The following TARS1 variants were observed in gnomAD, a reference collection of about 807,000 sequenced individuals.
TARS1 encodes the protein threonyl-tRNA synthetase 1.
A neutral mutation model predicts 97.7 loss-of-function variants in TARS1; 57 were observed. That is an observed-to-expected ratio of 0.58 (90% CI 0.47 to 0.73). TARS1 has a LOEUF of 0.73. Ranked by LOEUF, TARS1 falls within the 30% of genes least tolerant of loss-of-function variation. TARS1 has a pLI of 0.00. For missense variants in TARS1, 806 were observed against 888.3 expected, an observed-to-expected ratio of 0.91 and a Z score of 1.18; for synonymous variants, 312 against 293.7, an observed-to-expected ratio of 1.06 and a Z score of -0.64.
chr5:33,446,021 A>G (rs1277848709), intron 2 of TARS1: 1 of 153,284 alleles, frequency 6.5e-6, no homozygotes, highest in East Asian at 1.9e-4. Context: ...TTGCCTTTCT[A>G]CTTTATTTTT....
chr5:33,443,573 A>G lies in TARS1; in HGVS notation c.58-1751A>G, dbSNP rs563255894. 2.3e-4 allele frequency among the ~76,000 whole-genome samples: 34 copies of G among 150,814 alleles called. No homozygotes were observed. In the East Asian group the frequency reaches 5.3e-3, roughly 23 times the overall value. ...AGTGGCGCGATCTCTGCTCACTGCAAGCTCCGCCTCCCGGGTTCCAGCCAT... is the reference window on the plus strand; with the variant it reads ...AGTGGCGCGATCTCTGCTCACTGCAGGCTCCGCCTCCCGGGTTCCAGCCAT... On this transcript the variant is annotated intron_variant, in intron 1 of 18. Transcript: ENST00000265112.
chr5:33,457,360 TC>T lies in TARS1; in HGVS notation c.943del (p.Gln315LysfsTer58). On this transcript the variant is annotated frameshift_variant, in exon 9 of 19. Coordinates refer to ENST00000265112, the MANE Select transcript of TARS1 (RefSeq NM_152295.5). LOFTEE classifies it high-confidence loss of function. ...DPKMLKEWEK[F>X]QEEAKNRDHR... is the part of the protein sequence containing the mutation. Reference sequence around the variant, plus strand: ...AAAATGTTGAAAGAGTGGGAGAAGTTCCAAGAGGAAGCTAAAAACCGAGATC... The same window carrying T: ...AAAATGTTGAAAGAGTGGGAGAAGTTCAAGAGGAAGCTAAAAACCGAGATC... The T allele has an allele frequency of 6.2e-7, 1 of 1,614,082 alleles. No homozygotes were observed. Among genetic ancestry groups the T allele is most frequent in the Non-Finnish European group, 8.5e-7 (1 of 1,179,994 alleles).
Position 33,467,628 on chromosome 5 carries a change from G to T in TARS1, c.2092G>T (p.Glu698Ter). Residue 698 changes from glutamate to a stop codon, truncating the protein, a stop_gained, in exon 19 of 19, where the codon GAA (glutamate) becomes TAA (stop). Coordinates refer to ENST00000265112, the MANE Select transcript of TARS1 (RefSeq NM_152295.5). LOFTEE classifies it low-confidence loss of function (END_TRUNC). ...IRTRDNKVHG[E>*]RTISETIERL... ...CACAAGAGACAATAAGGTCCACGGG[G>T]AACGCACCATTTCTGAAACTATCGA... The T allele has an allele frequency of 6.2e-7, 1 of 1,613,990 alleles. No individual in the cohort carries two copies. Among genetic ancestry groups the T allele is most frequent in the South Asian group, 1.1e-5 (1 of 91,068 alleles).
intron 1 of TARS1, among the ~76,000 whole-genome samples, chr5:33,442,877 G>T (rs920825548): frequency 1.3e-5 from 2 of 152,156 alleles, no homozygotes; most frequent in Non-Finnish European, 2.9e-5. Flanking sequence ...GAAAGCAGGC[G>T]TAGGAACAGT....
rs1310133770 is a variant in TARS1, at chr5:33,457,257, A to G, written c.838A>G (p.Asn280Asp). 5 of 1,610,004 alleles carry G rather than the reference A, an allele frequency of 3.1e-6. No homozygotes were observed. Among genetic ancestry groups the G allele is most frequent in the Non-Finnish European group, 4.2e-6 (5 of 1,178,580 alleles). ...TTTCATGGTTAATCCTTGTTTTCAG[A>G]ATTCCTCCACGTACTGGGAAGGCAA... is the stretch of plus-strand genomic sequence containing the variant. ...GKIKALKIHKNSSTYWEGKAD... is the reference protein window; with the variant it reads ...GKIKALKIHKDSSTYWEGKAD... Residue 280 changes from asparagine to aspartate, a missense_variant and splice_region_variant, in exon 9 of 19, where the codon AAT (asparagine) becomes GAT (aspartate). By Grantham distance (23) the Asn-to-Asp change is conservative (BLOSUM62 1). Coordinates refer to ENST00000265112, the MANE Select transcript of TARS1 (RefSeq NM_152295.5).
In TARS1 at chr5:33,466,389, AT is replaced by A. The variant is rs200490085; in HGVS notation, c.1909-480del. On this transcript the variant is annotated intron_variant, in intron 17 of 18. Coordinates refer to ENST00000265112, the MANE Select transcript of TARS1 (RefSeq NM_152295.5). ...AGGGACTAATGCCTCTGATAACCTGATTAAAAAAAAAAACTTTCTGATACTC... is the reference window on the plus strand; with the variant it reads ...AGGGACTAATGCCTCTGATAACCTGATAAAAAAAAAAACTTTCTGATACTC... 9.4e-3 allele frequency among the ~76,000 whole-genome samples: 1,414 copies of A among 151,230 alleles called. 29 individuals are homozygous for A. The highest frequency in any genetic ancestry group is 0.032 in the African/African-American group (1,333 of 41,212).
At chr5:33,441,738 A>G (rs1741112987) in intron 1 of TARS1, 1 of 152,652 alleles carries the variant, frequency 6.6e-6, no homozygotes, top group South Asian at 2.1e-4. Flanking sequence ...ACAGGAAAAC[A>G]GCCCTAGTGC....
rs771714939 is a variant in TARS1 at position 33,461,928 on chromosome 5, C to T, written c.1652C>T (p.Ala551Val). ...GPKIDIQIKD[A>V]IGRYHQCATI... ...TAGATTGACATACAGATTAAAGATG[C>T]GATTGGGCGGTACCACCAGTGTGCA... The change falls in exon 15 of 19, where the codon GCG becomes GTG. Residue 551 changes from alanine (A) to valine (V), a missense_variant. By Grantham distance (64) the Ala-to-Val change is moderately conservative. Transcript: ENST00000265112. The T allele has an allele frequency of 4.3e-6, 7 of 1,613,760 alleles. No individual in the cohort carries two copies. The highest frequency in any genetic ancestry group is 5.9e-6 in the Non-Finnish European group (7 of 1,179,826).
intron 16 of TARS1, 79 bp from the exon 17 acceptor site, chr5:33,463,674 G>A: frequency 1.6e-6 from 2 of 1,244,592 alleles, no homozygotes; most frequent in South Asian, 2.6e-5. Flanking sequence ...AGATACTGAA[G>A]AGTAGAGTAA....
chr5:33,463,581 C>T (rs1381897128), intron 16 of TARS1, among the ~76,000 whole-genome samples, 172 bp from the exon 17 acceptor site: 1 of 152,144 alleles, frequency 6.6e-6, no homozygotes, highest in Non-Finnish European at 1.5e-5. Flanking sequence ...ATCTCCTCGC[C>T]TTAATCTTTA....
At chr5:33,466,688 G>T in intron 17 of TARS1, 183 bp from the exon 18 acceptor site, 1 of 426,312 alleles carries the variant, frequency 2.3e-6, no homozygotes, top group East Asian at 3.7e-5. Context: ...TAATAAAGAG[G>T]AGCTGGCCTT....
intron 11 of TARS1, among the ~76,000 whole-genome samples, chr5:33,460,170 C>T (rs1742225161): frequency 6.6e-6 from 1 of 152,020 alleles, no homozygotes; most frequent in Admixed American, 6.6e-5. Context: ...TGAGGTCTTG[C>T]CACGTTGCTC....
intron 3 of TARS1, chr5:33,452,206 A>G (rs1741778766): frequency 1.5e-6 from 1 of 688,142 alleles, no homozygotes; most frequent in African/African-American, 1.8e-5. Flanking sequence ...TTACAGTGTA[A>G]AGGGTGTATA....
At chr5:33,457,606 A>G (rs1213696990) in intron 9 of TARS1, among the ~76,000 whole-genome samples, 1 of 152,218 alleles carries the variant, frequency 6.6e-6, no homozygotes, top group Non-Finnish European at 1.5e-5. Context: ...GTACCGCACA[A>G]AAATGCATTT....
intron 1 of TARS1, among the ~76,000 whole-genome samples, chr5:33,443,168 C>T (rs1741201112): frequency 6.6e-6 from 1 of 152,144 alleles, no homozygotes; most frequent in South Asian, 2.1e-4. Context: ...TCATAGGCCT[C>T]AGGGTTCCAG....
chr5:33,445,496 T>C, intron 2 of TARS1, 92 bp downstream of exon 2: 2 of 1,036,156 alleles, frequency 1.9e-6, no homozygotes, highest in Non-Finnish European at 2.9e-6. Context: ...AGGGTTCTAA[T>C]GGTTTACATG....
intron 10 of TARS1, 51 bp from the exon 11 acceptor site, chr5:33,459,644 G>A: frequency 6.2e-7 from 1 of 1,600,216 alleles, no homozygotes; most frequent in Non-Finnish European, 8.5e-7. Flanking sequence ...ACTCCCACTT[G>A]AAGTATGAGC....
Position 33,441,018 on chromosome 5 carries a change from C to G in TARS1, c.-69C>G, listed in dbSNP as rs2304621. ...AAGTCCCGGGCGCTAGCCCACCTCC[C>G]ACCCGCCTCTTGGCTCCTCTCCTCT... On this transcript the variant is annotated 5_prime_UTR_variant, in exon 1 of 19. Coordinates refer to ENST00000265112, the MANE Select transcript of TARS1 (RefSeq NM_152295.5). 0.22 allele frequency: 352,932 copies of G among 1,603,012 alleles called. 46,133 individuals carry two copies. The highest frequency in any genetic ancestry group is 0.55 in the African/African-American group (41,119 of 74,712).
At chr5:33,455,772 C>A in intron 6 of TARS1, 68 bp downstream of exon 6, 1 of 1,152,982 alleles carries the variant, frequency 8.7e-7, no homozygotes. Flanking sequence ...GAAGTGACAC[C>A]ACTGGCGTTC....
Sources: allele counts gnomAD v4.1 joint callset (sites outside exome capture counted in the v4.1 genomes callset), GRCh38; gene constraint gnomAD v4.1.1; transcripts MANE v1.5; gene names NCBI Gene and HGNC (gene_info 2026-07-23, HGNC 2026-07-21).